Variants in CHRNA5 observed in about 807,000 individuals in gnomAD.
CHRNA5 encodes neuronal acetylcholine receptor subunit alpha-5.
A neutral mutation model predicts 41.2 loss-of-function variants in CHRNA5; 28 were observed. The ratio of observed to expected loss-of-function variants is 0.68; its 90% CI spans 0.50 to 0.93. The LOEUF is 0.93. Ranked by LOEUF, CHRNA5 falls within the 40% of genes least tolerant of loss-of-function variation. The pLI, the probability that CHRNA5 is intolerant of heterozygous loss-of-function variation, is 0.00. For missense variants in CHRNA5, 481 were observed against 581.9 expected (o/e 0.83, Z 1.78); for synonymous variants, 188 against 205.8 (o/e 0.91, Z 0.74).
rs199898580 is a variant in CHRNA5 at position 78,565,522 on chromosome 15, A to T, written c.-198A>T. 4.9e-5 allele frequency: 10 copies of T among 203,810 alleles called. No homozygotes were observed. Among genetic ancestry groups the T allele is most frequent in the African/African-American group, 2.3e-4 (10 of 42,628 alleles). The allele number at this position is 203,810 out of a possible 1,614,324, so 12.6% of individuals were successfully genotyped here. A position where few individuals can be genotyped will look rare whatever the true frequency, so the allele number is the denominator to read the frequency against. On this transcript the variant is annotated 5_prime_UTR_variant, in exon 1 of 6. It removes an upstream start codon present in the reference 5' UTR. Coordinates refer to ENST00000299565, the Ensembl canonical transcript of CHRNA5. The stretch of plus-strand genomic sequence containing the variant: ...GGGGCTAGGCGCCGGGAGCTTCCAC[A>T]TGCGTCCCGAGCCCGCCAGAAGCTG...
At chr15:78,570,060 G>C (rs1475282147) in intron 1 of CHRNA5, among the ~76,000 whole-genome samples, 1 of 151,800 alleles carries the variant, frequency 6.6e-6, no homozygotes, top group Non-Finnish European at 1.5e-5. Flanking sequence ...GACCTCAGGT[G>C]ATCCGCCTGC....
intron 5 of CHRNA5, among the ~76,000 whole-genome samples, chr15:78,591,763 T>C (rs2053017803): frequency 6.6e-6 from 1 of 152,192 alleles, no homozygotes; most frequent in Non-Finnish European, 1.5e-5. Flanking sequence ...GCATAAGTTC[T>C]TTCATGCTGA....
intron 1 of CHRNA5, among the ~76,000 whole-genome samples, chr15:78,567,912 C>G (rs621999): frequency 0.97 from 147,630 of 152,282 alleles, 71,745 homozygotes; most frequent in East Asian, 1. Flanking sequence ...AACTGTCGTT[C>G]CATGTGGGTG....
In CHRNA5 at chr15:78,589,505, T is replaced by A. The variant is rs538668566; in HGVS notation, c.414-300T>A. The A allele has an allele frequency of 3.6e-4, 96 of 268,320 alleles. 1 individual carries two copies. The East Asian group carries it at 7.1e-3, about 20-fold the overall frequency. The allele number at this position is 268,320 out of a possible 1,614,324, so 16.6% of individuals were successfully genotyped here. Reference sequence around the variant, plus strand: ...GTGCCCATTGTGTCAATAGCCTGAGTCTATTCTGTGTGTAAGGTGAGGTCT... The same window carrying A: ...GTGCCCATTGTGTCAATAGCCTGAGACTATTCTGTGTGTAAGGTGAGGTCT... On this transcript the variant is annotated intron_variant, in intron 4 of 5. Transcript: ENST00000299565.
chr15:78,585,787 C>T (rs139652841), intron 2 of CHRNA5, among the ~76,000 whole-genome samples: 48 of 62,518 alleles, frequency 7.7e-4, no homozygotes, highest in East Asian at 2.4e-3. Context: ...CTTTTCTTTT[C>T]TTTCTTTTTT....
chr15:78,587,453 A>G (rs1038654630), intron 3 of CHRNA5, among the ~76,000 whole-genome samples: 1 of 69,458 alleles, frequency 1.4e-5, no homozygotes, highest in African/African-American at 5.1e-5. Context: ...AGCAGGACCT[A>G]CAAGTGCAAA....
intron 5 of CHRNA5, among the ~76,000 whole-genome samples, chr15:78,592,532 C>G (rs998312391): frequency 6.6e-6 from 1 of 152,080 alleles, no homozygotes. Flanking sequence ...GTGGTGGCTC[C>G]GAGCTGCTGA....
At chr15:78,581,509 A>G (rs1191970512) in intron 2 of CHRNA5, among the ~76,000 whole-genome samples, 1 of 152,200 alleles carries the variant, frequency 6.6e-6, no homozygotes, top group Non-Finnish European at 1.5e-5. Context: ...TTTTTAAACT[A>G]GTTTCTTCTT....
exon 6 of CHRNA5, chr15:78,595,213 C>T (rs112053397): frequency 2.1e-5 from 18 of 843,432 alleles, no homozygotes; most frequent in African/African-American, 1.7e-4. Flanking sequence ...ATCCCTGATC[C>T]CTCTTATACT....
At chr15:78,585,983 G>A (rs1420042008) in intron 2 of CHRNA5, among the ~76,000 whole-genome samples, 6 of 151,492 alleles carry the variant, frequency 4.0e-5, no homozygotes, top group Non-Finnish European at 7.4e-5. Flanking sequence ...AAGTGGAGAT[G>A]GGGTTTCACT....
At chr15:78,567,079 C>T (rs958992355) in intron 1 of CHRNA5, among the ~76,000 whole-genome samples, 5 of 151,764 alleles carry the variant, frequency 3.3e-5, no homozygotes, top group Non-Finnish European at 5.9e-5. Flanking sequence ...AGTGAAACCC[C>T]GTCTCTACTA....
chr15:78,571,907 T>C (rs2141399029), intron 1 of CHRNA5, among the ~76,000 whole-genome samples: 1 of 152,318 alleles, frequency 6.6e-6, no homozygotes, highest in South Asian at 2.1e-4. Flanking sequence ...TTTTCCCTCG[T>C]TTACAAAATG....
chr15:78,570,188 G>C (rs1379459650), intron 1 of CHRNA5, among the ~76,000 whole-genome samples: 1 of 152,106 alleles, frequency 6.6e-6, no homozygotes, highest in African/African-American at 2.4e-5. Context: ...TCTGTTCTAT[G>C]ATGAAAAATG....
Position 78,588,236 on chromosome 15 carries a change from T to C in CHRNA5, c.304-78T>C. 1 of 696,040 alleles carries C rather than the reference T, an allele frequency of 1.4e-6. No individual in the cohort carries two copies. 43.1% of individuals were successfully genotyped at this position (696,040 alleles called of 1,614,324 possible). A position where few individuals can be genotyped will look rare whatever the true frequency, so the allele number is the denominator to read the frequency against. The stretch of plus-strand genomic sequence containing the variant: ...ATGATCTCATGTCTAAAATTTCTGG[T>C]GTGACAAAAAAGTATGGTATTCACT... On this transcript the variant is annotated intron_variant, in intron 3 of 5. Transcript: ENST00000299565. This position sits in a 1 kb window ranked among gnomAD's most constrained non-coding sequence, Gnocchi z 4.1.
At chr15:78,585,782 CT>C (rs1238450337) in intron 2 of CHRNA5, among the ~76,000 whole-genome samples, 1 of 84,518 alleles carries the variant, frequency 1.2e-5, no homozygotes. Flanking sequence ...TTTTTCTTTT[CT>C]TTTCTTTCTT....
chr15:78,569,844 A>G lies in CHRNA5; in HGVS notation c.106+4019A>G, dbSNP rs528141796. Among the ~76,000 whole-genome samples the G allele has an allele frequency of 9.3e-5, 14 of 149,974 alleles. No homozygotes were observed. The East Asian group carries it at 2.6e-3, about 28-fold the overall frequency. On this transcript the variant is annotated intron_variant, in intron 1 of 5. Coordinates refer to ENST00000299565, the Ensembl canonical transcript of CHRNA5. ...TTGTTTTTGTTTTTTTTCTTGAGAC[A>G]GAGTCTCACTCTGTCGCCCAGGCTG...
At chr15:78,594,863 T>C (rs2053074724) in exon 6 of CHRNA5, 1 of 152,246 alleles carries the variant, frequency 6.6e-6, no homozygotes, top group African/African-American at 2.4e-5. Context: ...AATCTTAGCC[T>C]ATTACTAGTA....
chr15:78,567,121 T>C (rs1184924017), intron 1 of CHRNA5, among the ~76,000 whole-genome samples: 2 of 151,480 alleles, frequency 1.3e-5, no homozygotes, highest in Non-Finnish European at 2.9e-5. Flanking sequence ...GGCGTGGTGG[T>C]GCGCGCCTGT....
Position 78,588,365 on chromosome 15 carries a change from A to G in CHRNA5, c.355A>G (p.Lys119Glu). The G allele has an allele frequency of 5.0e-6, 8 of 1,594,024 alleles. No homozygotes were observed. The highest frequency in any genetic ancestry group is 6.8e-6 in the Non-Finnish European group (8 of 1,167,964). ...GAACCCTGATGACTATGGTGGAATA[A>G]AAGTTATACGTGTTCCTTCAGACTC... The change falls in exon 4 of 6, where the codon AAA becomes GAA. Residue 119 changes from lysine to glutamate, a missense_variant. Coordinates refer to ENST00000299565, the Ensembl canonical transcript of CHRNA5. This position sits in a 1 kb window ranked among gnomAD's most constrained non-coding sequence, Gnocchi z 4.1.
Sources: allele counts gnomAD v4.1 joint callset (sites outside exome capture counted in the v4.1 genomes callset), GRCh38; gene constraint gnomAD v4.1.1; non-coding constraint Gnocchi (gnomAD v3.1); transcripts MANE v1.5; gene names NCBI Gene and HGNC (gene_info 2026-07-23, HGNC 2026-07-21).